The following ACYP2 variants were observed in gnomAD, a reference collection of about 807,000 sequenced individuals.
The protein encoded by ACYP2 is acylphosphatase 2.
In ACYP2, 12 loss-of-function variants were observed where a neutral mutation model predicts 11.2. That is an observed-to-expected ratio of 1.08 (90% confidence interval 0.69 to 1.74). The LOEUF is 1.74. ACYP2 is among the 40% of genes most tolerant of loss of function. The pLI is 0.00. For synonymous variants in ACYP2, 43 were observed against 32.2 expected, an observed-to-expected ratio of 1.33 and a Z score of -1.13; for missense variants, 134 against 101.9, an observed-to-expected ratio of 1.31 and a Z score of -1.35.
At chr2:54,201,648 T>TTCTTTGTTTCTTTTTCTC (rs1684816835) in intron 6 of ACYP2, among the ~76,000 whole-genome samples, 1 of 91,780 alleles carries the variant, frequency 1.1e-5, no homozygotes, top group African/African-American at 4.3e-5. Context: ...CTTTCTTTCT[T>TTCTTTGTTTCTTTTTCTC]TCTTTCTTTC....
At chr2:54,101,636 T>G (rs1678897517) in intron 4 of ACYP2, among the ~76,000 whole-genome samples, 1 of 147,970 alleles carries the variant, frequency 6.8e-6, no homozygotes, top group Non-Finnish European at 1.5e-5. Context: ...ATTGCGCCAT[T>G]GCAATCCAGC....
intron 6 of ACYP2, among the ~76,000 whole-genome samples, chr2:54,198,987 C>T (rs754949819): frequency 3.9e-5 from 6 of 152,166 alleles, no homozygotes; most frequent in Non-Finnish European, 7.4e-5. Context: ...GATTCCCTTT[C>T]CTTCTCTCGT....
chr2:54,065,488 C>G, intron 4 of ACYP2: 1 of 398,610 alleles, frequency 2.5e-6, no homozygotes. Context: ...GACCATGTTT[C>G]AATGCTTGGC....
intron 6 of ACYP2, among the ~76,000 whole-genome samples, chr2:54,201,268 A>G (rs1055601031): frequency 1.3e-5 from 2 of 151,538 alleles, no homozygotes; most frequent in Non-Finnish European, 2.9e-5. Flanking sequence ...ACCACGCCCG[A>G]CTAATTTTTT....
At chr2:54,026,704 T>C (rs937875282) in intron 2 of ACYP2, among the ~76,000 whole-genome samples, 3 of 152,218 alleles carry the variant, frequency 2.0e-5, no homozygotes, top group Non-Finnish European at 2.9e-5. Context: ...CATGTATCTA[T>C]ACCATAGAAT....
chr2:54,273,839 G>A (rs192701140), intron 6 of ACYP2, among the ~76,000 whole-genome samples: 2 of 152,202 alleles, frequency 1.3e-5, no homozygotes, highest in East Asian at 1.9e-4. Flanking sequence ...CCTCATCCCA[G>A]CCAAAGCCGG....
chr2:54,207,974 A>G (rs904352738), intron 6 of ACYP2, among the ~76,000 whole-genome samples: 4 of 152,304 alleles, frequency 2.6e-5, no homozygotes, highest in South Asian at 4.1e-4. Flanking sequence ...AATTTCTGCA[A>G]TCCTAAGCCT....
intron 6 of ACYP2, among the ~76,000 whole-genome samples, chr2:54,146,452 T>A (rs1259006390): frequency 1.3e-5 from 2 of 151,962 alleles, no homozygotes; most frequent in Non-Finnish European, 2.9e-5. Flanking sequence ...TTTTTTTTTT[T>A]TTATTACAGA....
At chr2:54,051,563 T>C in intron 3 of ACYP2, 1 of 743,914 alleles carries the variant, frequency 1.3e-6, no homozygotes, top group South Asian at 1.4e-5. Flanking sequence ...TCTTGGCCTG[T>C]CCATTGGTGA....
intron 4 of ACYP2, among the ~76,000 whole-genome samples, chr2:54,071,775 C>G (rs1306017118): frequency 1.3e-5 from 2 of 152,162 alleles, no homozygotes; most frequent in African/African-American, 2.4e-5. Flanking sequence ...CTTTGGTAGG[C>G]CAAGGTGGGT....
At chr2:54,263,820 A>G (rs1425091717) in intron 6 of ACYP2, among the ~76,000 whole-genome samples, 1 of 152,224 alleles carries the variant, frequency 6.6e-6, no homozygotes, top group Non-Finnish European at 1.5e-5. Flanking sequence ...TTTAACATAC[A>G]CCATATACTG....
intron 6 of ACYP2, among the ~76,000 whole-genome samples, chr2:54,213,741 G>T (rs991146286): frequency 6.6e-6 from 1 of 151,636 alleles, no homozygotes; most frequent in Non-Finnish European, 1.5e-5. Context: ...ACTATCTGTT[G>T]ATGTCCTTTG....
intron 4 of ACYP2, 169 bp from the exon 1 acceptor site, chr2:54,115,446 C>A: frequency 1.1e-6 from 1 of 889,962 alleles, no homozygotes; most frequent in Non-Finnish European, 1.6e-6. Flanking sequence ...CCTCCCCAGT[C>A]CGGGAAGAGA....
intron 4 of ACYP2, among the ~76,000 whole-genome samples, chr2:54,131,651 T>C (rs1680905872): frequency 1.3e-5 from 2 of 152,210 alleles, no homozygotes; most frequent in Non-Finnish European, 2.9e-5. Flanking sequence ...ACATGAGTTA[T>C]TACCAACACC....
intron 4 of ACYP2, among the ~76,000 whole-genome samples, chr2:54,116,552 A>G (rs1679808883): frequency 1.4e-5 from 2 of 139,802 alleles, no homozygotes. Context: ...CAATATGTAT[A>G]TGTACATATA....
chr2:54,132,651 C>T (rs961481727), intron 4 of ACYP2, among the ~76,000 whole-genome samples: 5 of 152,052 alleles, frequency 3.3e-5, no homozygotes, highest in African/African-American at 4.8e-5. Flanking sequence ...TCCGCTGTGA[C>T]TTCCCAGTGT....
intron 6 of ACYP2, among the ~76,000 whole-genome samples, chr2:54,212,661 A>G (rs1384134798): frequency 6.6e-6 from 1 of 152,242 alleles, no homozygotes; most frequent in Non-Finnish European, 1.5e-5. Flanking sequence ...AGGAGCTAAT[A>G]TGCATTCCTC....
At chr2:54,155,662 G>A (rs565181534) in intron 6 of ACYP2, among the ~76,000 whole-genome samples, 1 of 152,336 alleles carries the variant, frequency 6.6e-6, no homozygotes, top group East Asian at 1.9e-4. Flanking sequence ...CTTCCTTCCT[G>A]TCTTCCACCA....
chr2:54,215,596 A>G (rs1012420418), intron 6 of ACYP2, among the ~76,000 whole-genome samples: 2 of 152,184 alleles, frequency 1.3e-5, no homozygotes, highest in African/African-American at 2.4e-5. Flanking sequence ...GATAGCTGCT[A>G]TTGTGGTTTG....
Sources: allele counts gnomAD v4.1 joint callset (sites outside exome capture counted in the v4.1 genomes callset), GRCh38; gene constraint gnomAD v4.1.1; transcripts MANE v1.5; gene names NCBI Gene and HGNC (gene_info 2026-07-23, HGNC 2026-07-21).